The following DENND5B variants were observed in gnomAD, a reference collection of about 807,000 sequenced individuals.
DENND5B encodes DENN domain-containing protein 5B.
Under a neutral mutation model 140.6 loss-of-function variants are expected in DENND5B, and 34 were observed. The observed-to-expected ratio is 0.24, with a 90% CI of 0.18 to 0.32. The LOEUF (loss-of-function observed/expected upper bound fraction) is 0.32. Among genes scored for constraint, DENND5B ranks in the 10% least tolerant of loss-of-function variants. The pLI is 1.00. For missense variants in DENND5B, 1,142 were observed against 1,560.2 expected (o/e 0.73, Z 4.52); for synonymous variants, 551 against 562.1 (o/e 0.98, Z 0.28).
At chr12:31,441,741 G>A (rs754787119) in intron 7 of DENND5B, among the ~76,000 whole-genome samples, 1 of 152,002 alleles carries the variant, frequency 6.6e-6, no homozygotes, top group Non-Finnish European at 1.5e-5. Flanking sequence ...CAGGTTGAAG[G>A]GCAGTAGTGC....
At chr12:31,569,320 C>T (rs1415888060) in intron 1 of DENND5B, among the ~76,000 whole-genome samples, 1 of 152,124 alleles carries the variant, frequency 6.6e-6, no homozygotes, top group African/African-American at 2.4e-5. Flanking sequence ...TCACCTGCCT[C>T]CCAAAGTTCT....
At chr12:31,525,480 G>A (rs926292803) in intron 1 of DENND5B, among the ~76,000 whole-genome samples, 1 of 152,168 alleles carries the variant, frequency 6.6e-6, no homozygotes, top group African/African-American at 2.4e-5. Context: ...CAAATTTACA[G>A]ACATATAAAG....
At chr12:31,433,696 G>T (rs1245308865) in intron 7 of DENND5B, among the ~76,000 whole-genome samples, 1 of 152,050 alleles carries the variant, frequency 6.6e-6, no homozygotes, top group East Asian at 1.9e-4. Flanking sequence ...CGTCCTAAAA[G>T]AATAGAAATG....
chr12:31,392,740 T>C, intron 17 of DENND5B, 44 bp from the exon 18 acceptor site: 2 of 1,512,126 alleles, frequency 1.3e-6, no homozygotes, highest in Non-Finnish European at 1.8e-6. Context: ...GGGAGAGAAA[T>C]AAACCAAAGT....
intron 1 of DENND5B, among the ~76,000 whole-genome samples, chr12:31,503,648 A>G (rs1276764862): frequency 3.3e-5 from 5 of 152,220 alleles, no homozygotes; most frequent in Non-Finnish European, 7.3e-5. Flanking sequence ...CCCAGCTCCT[A>G]TCTTAAGCCT....
At chr12:31,583,585 C>T (rs1019513581) in intron 1 of DENND5B, among the ~76,000 whole-genome samples, 9 of 151,346 alleles carry the variant, frequency 5.9e-5, no homozygotes, top group African/African-American at 9.7e-5. Flanking sequence ...GGCTGAGGCA[C>T]GAGAATCACT....
chr12:31,487,600 G>T (rs186126647), intron 2 of DENND5B, among the ~76,000 whole-genome samples: 1 of 152,106 alleles, frequency 6.6e-6, no homozygotes, highest in South Asian at 2.1e-4. Flanking sequence ...TACCTGGAAG[G>T]CTGAGGCACG....
At chr12:31,550,976 G>T (rs1195040477) in intron 1 of DENND5B, among the ~76,000 whole-genome samples, 2 of 151,388 alleles carry the variant, frequency 1.3e-5, no homozygotes, top group Non-Finnish European at 3.0e-5. Context: ...TTTGTCAGAT[G>T]AGTAGGTTGC....
At chr12:31,545,335 C>T (rs914971721) in intron 1 of DENND5B, among the ~76,000 whole-genome samples, 1 of 152,046 alleles carries the variant, frequency 6.6e-6, no homozygotes, top group Non-Finnish European at 1.5e-5. Flanking sequence ...AATGTTCCCA[C>T]GTCACCCAAG....
intron 11 of DENND5B, among the ~76,000 whole-genome samples, chr12:31,416,118 T>G (rs1942725437): frequency 1.3e-5 from 2 of 152,104 alleles, no homozygotes; most frequent in Admixed American, 1.3e-4. Context: ...ATTACAAGCG[T>G]GAGCCACCGT....
At chr12:31,463,014 G>A (rs1376555662) in intron 3 of DENND5B, among the ~76,000 whole-genome samples, 1 of 152,076 alleles carries the variant, frequency 6.6e-6, no homozygotes, top group Non-Finnish European at 1.5e-5. Context: ...TGCAATCCCA[G>A]CACTTTGGGA....
intron 7 of DENND5B, among the ~76,000 whole-genome samples, chr12:31,441,353 T>G (rs749913110): frequency 6.6e-6 from 1 of 151,776 alleles, no homozygotes; most frequent in African/African-American, 2.4e-5. Context: ...TCAAAAAAAA[T>G]GTATGTATTT....
intron 1 of DENND5B, among the ~76,000 whole-genome samples, chr12:31,535,919 G>T (rs551100519): frequency 2.6e-5 from 4 of 152,272 alleles, no homozygotes; most frequent in South Asian, 4.2e-4. Context: ...GGTGGGGCCT[G>T]GTGGGAGGCG....
At chr12:31,582,271 T>G (rs954591608) in intron 1 of DENND5B, among the ~76,000 whole-genome samples, 19 of 152,142 alleles carry the variant, frequency 1.2e-4, no homozygotes, top group Non-Finnish European at 1.5e-5. Context: ...TTCATCTCAT[T>G]TAACCCTTTT....
intron 6 of DENND5B, among the ~76,000 whole-genome samples, chr12:31,445,582 G>A (rs1238142550): frequency 2.0e-5 from 3 of 152,048 alleles, no homozygotes; most frequent in African/African-American, 7.2e-5. Context: ...GCATGCATCT[G>A]TAGTCCCAGC....
At position 31,516,344 on chromosome 12, in the gene DENND5B, T is replaced by C. The variant is rs1353040875; in HGVS notation, c.128-20425A>G. On this transcript the variant is annotated intron_variant, in intron 1 of 20. Transcript: ENST00000389082. ...TATAAAAATTAGACAGCTGTGGTGG[T>C]GCACACCTATAGTCCCAGACAGCTA... Among the ~76,000 whole-genome samples the C allele has an allele frequency of 3.3e-5, 5 of 151,882 alleles. No individual in the cohort carries two copies. The South Asian group carries it at 8.3e-4, about 25-fold the overall frequency.
chr12:31,533,567 G>A (rs1397652746), intron 1 of DENND5B, among the ~76,000 whole-genome samples: 2 of 152,080 alleles, frequency 1.3e-5, no homozygotes, highest in Non-Finnish European at 2.9e-5. Flanking sequence ...AAAGACCTTG[G>A]AAAATCAACA....
At position 31,507,781 on chromosome 12, in the gene DENND5B, A is replaced by G. The variant is rs1183625882; in HGVS notation, c.128-11862T>C. On this transcript the variant is annotated intron_variant, in intron 1 of 20. Coordinates refer to ENST00000389082, the MANE Select transcript of DENND5B (RefSeq NM_144973.4). ...TGAAGAACATCTAAGTGATTTTCAA[A>G]TAATAAATACAGCCACGAAAACAAG... Among the ~76,000 whole-genome samples the G allele has an allele frequency of 1.3e-5, 2 of 152,244 alleles. 1 individual carries two copies. The highest frequency in any genetic ancestry group is 2.9e-5 in the Non-Finnish European group (2 of 68,040).
intron 14 of DENND5B, 76 bp from the exon 15 acceptor site, chr12:31,402,719 C>T: frequency 6.8e-7 from 1 of 1,463,698 alleles, no homozygotes; most frequent in Non-Finnish European, 9.1e-7. Flanking sequence ...ATTAAGAACT[C>T]TTGTTGGTTT....
Sources: gnomAD v4.1 joint callset for allele counts (sites outside exome capture counted in the v4.1 genomes callset) on GRCh38, gnomAD v4.1.1 for gene constraint, MANE v1.5 for transcripts, NCBI Gene and HGNC (gene_info 2026-07-23, HGNC 2026-07-21) for gene names.